The following PITPNA variants were observed in gnomAD, a reference collection of about 807,000 sequenced individuals.
The protein encoded by PITPNA is phosphatidylinositol transfer protein alpha, also known as phosphatidylinositol transfer protein alpha isoform.
PITPNA carries 13 observed loss-of-function variants against 50.3 expected under a neutral mutation model. The ratio of observed to expected loss-of-function variants is 0.26; its 90% CI spans 0.17 to 0.41. PITPNA has a LOEUF of 0.41. PITPNA is among the 10% of genes least tolerant of loss of function. PITPNA has a pLI of 1.00. For missense variants in PITPNA, 207 were observed against 333.4 expected (o/e 0.62, Z 2.95); for synonymous variants, 120 against 119.6 (o/e 1.00, Z -0.02).
chr17:1,522,971 A>C (rs2151001408), intron 10 of PITPNA, among the ~76,000 whole-genome samples: 1 of 152,288 alleles, frequency 6.6e-6, no homozygotes, highest in Admixed American at 6.5e-5. Flanking sequence ...GAGTAACAGA[A>C]CTTCCCTTTC....
intron 10 of PITPNA, 108 bp downstream of exon 10, chr17:1,533,991 G>A (rs898932129): frequency 3.6e-5 from 46 of 1,281,122 alleles, no homozygotes; most frequent in Admixed American, 3.3e-4. Context: ...AGACACTGAC[G>A]TGTTCCCAGA....
At chr17:1,527,532 G>A (rs558768646) in intron 10 of PITPNA, among the ~76,000 whole-genome samples, 5 of 152,240 alleles carry the variant, frequency 3.3e-5, no homozygotes, top group South Asian at 2.1e-4. Context: ...GTGAGCCACC[G>A]TGCCCAGCCC....
chr17:1,543,127 T>C, intron 4 of PITPNA, 100 bp from the exon 5 acceptor site: 1 of 891,056 alleles, frequency 1.1e-6, no homozygotes, highest in South Asian at 1.5e-5. Context: ...AATGGCAGAG[T>C]GTACTTTACT....
In PITPNA at chr17:1,534,149, T is replaced by C; in HGVS notation, c.718A>G (p.Met240Val). 1.9e-6 allele frequency: 3 copies of C among 1,613,872 alleles called. No individual in the cohort carries two copies. Among genetic ancestry groups the C allele is most frequent in the East Asian group, 4.5e-5 (2 of 44,870 alleles). Residue 240 changes from methionine to valine, a missense_variant, in exon 10 of 12, where the codon ATG (methionine) becomes GTG (valine). Physicochemically the swap from Met to Val is conservative, Grantham distance 21 (BLOSUM62 1). Transcript: ENST00000313486. Reference protein sequence around the residue: ...CWLDKWVDLTMDDIRRMEEET... With the variant: ...CWLDKWVDLTVDDIRRMEEET... Reference sequence around the variant, plus strand: ...TCTTCCATCCTTCGAATGTCGTCCATGGTCAGGTCAACCCACTTATCGAGC... The same window carrying C: ...TCTTCCATCCTTCGAATGTCGTCCACGGTCAGGTCAACCCACTTATCGAGC...
chr17:1,526,806 C>T (rs939743336), intron 10 of PITPNA, among the ~76,000 whole-genome samples: 1 of 152,170 alleles, frequency 6.6e-6, no homozygotes, highest in African/African-American at 2.4e-5. Flanking sequence ...GCTCTGTCAC[C>T]CAGGCTAGAA....
chr17:1,539,396 G>A (rs907582959), intron 6 of PITPNA, among the ~76,000 whole-genome samples: 4 of 150,282 alleles, frequency 2.7e-5, no homozygotes, highest in Non-Finnish European at 4.4e-5. Context: ...AGCTGGGCCC[G>A]AGTGATCCTC....
intron 10 of PITPNA, among the ~76,000 whole-genome samples, chr17:1,533,330 C>T (rs963283816): frequency 1.3e-5 from 2 of 152,188 alleles, no homozygotes; most frequent in Admixed American, 6.5e-5. Flanking sequence ...ACCTGCAAGA[C>T]GGTGTGACCC....
intron 4 of PITPNA, among the ~76,000 whole-genome samples, chr17:1,545,894 C>T (rs149484391): frequency 1.3e-5 from 2 of 149,594 alleles, no homozygotes; most frequent in African/African-American, 2.5e-5. Context: ...AGACCAGACA[C>T]ACCCAGCCAC....
intron 3 of PITPNA, among the ~76,000 whole-genome samples, chr17:1,550,991 G>C (rs2075705281): frequency 6.6e-6 from 1 of 152,054 alleles, no homozygotes; most frequent in African/African-American, 2.4e-5. Flanking sequence ...GGGACACGAA[G>C]GGCAAGTGAG....
intron 10 of PITPNA, among the ~76,000 whole-genome samples, chr17:1,522,866 G>A (rs1045378995): frequency 6.6e-6 from 1 of 152,250 alleles, no homozygotes; most frequent in African/African-American, 2.4e-5. Context: ...TGCTATTTTA[G>A]GTAGTTACAG....
At position 1,535,453 on chromosome 17, in the gene PITPNA, G is replaced by A; in HGVS notation, c.522C>T (p.Gly174=). ...GTGTGAATGGTACCTTCCAATTGGG[G>A]CCCAAGGGTCCTCGGCCTGTTTTGA... ...KSIKTGRGPL[G]PNWKQELVNQ... Residue 174 remains glycine (G), a synonymous_variant, in exon 8 of 12, where the codon GGC becomes GGT. Transcript: ENST00000313486. 1.2e-6 allele frequency: 2 copies of A among 1,612,792 alleles called. No homozygotes were observed. The highest frequency in any genetic ancestry group is 1.7e-6 in the Non-Finnish European group (2 of 1,178,822).
At chr17:1,558,072 G>A (rs191577783) in intron 2 of PITPNA, among the ~76,000 whole-genome samples, 11 of 152,012 alleles carry the variant, frequency 7.2e-5, no homozygotes, top group African/African-American at 2.7e-4. Context: ...CTCTACTAAA[G>A]ATATAAAAAT....
chr17:1,545,368 T>C (rs2075667655), intron 4 of PITPNA, among the ~76,000 whole-genome samples: 2 of 152,254 alleles, frequency 1.3e-5, no homozygotes, highest in Admixed American at 6.5e-5. Context: ...CTAAGATGTC[T>C]GAACTAATAA....
chr17:1,560,591 G>A (rs1414242238), intron 1 of PITPNA, among the ~76,000 whole-genome samples: 4 of 152,196 alleles, frequency 2.6e-5, no homozygotes, highest in Non-Finnish European at 4.4e-5. Flanking sequence ...TCCTCTGAAG[G>A]TCCCTTCCTT....
At chr17:1,547,897 GGCA>G (rs1320428645) in intron 4 of PITPNA, among the ~76,000 whole-genome samples, 3 of 152,074 alleles carry the variant, frequency 2.0e-5, no homozygotes, top group African/African-American at 7.2e-5. Flanking sequence ...GGGAGGCTGA[GGCA>G]GCAGAATTGC....
intron 1 of PITPNA, among the ~76,000 whole-genome samples, chr17:1,560,241 C>G (rs921276498): frequency 6.6e-6 from 1 of 152,210 alleles, no homozygotes; most frequent in Non-Finnish European, 1.5e-5. Flanking sequence ...GGAACAAAAC[C>G]ACTTCGGCAG....
intron 5 of PITPNA, among the ~76,000 whole-genome samples, chr17:1,542,072 T>C (rs1024268911): frequency 2.0e-5 from 3 of 151,810 alleles, no homozygotes; most frequent in East Asian, 1.9e-4. Flanking sequence ...TGGTGGCGGG[T>C]GCCTGTAATC....
rs145215035 is a variant in PITPNA, at chr17:1,544,966, C to T, written c.290-1939G>A. 9.6e-3 allele frequency among the ~76,000 whole-genome samples: 1,454 copies of T among 152,102 alleles called. 8 individuals are homozygous for T. The highest frequency in any genetic ancestry group is 0.015 in the Non-Finnish European group (1,035 of 67,988). On this transcript the variant is annotated intron_variant, in intron 4 of 11. Coordinates refer to ENST00000313486, the MANE Select transcript of PITPNA (RefSeq NM_006224.4). Reference sequence around the variant, plus strand: ...CGAGATTGCACCACTGTACTCCAGCCTGGGTGACAGAATGAGACTCTGTCT... The same window carrying T: ...CGAGATTGCACCACTGTACTCCAGCTTGGGTGACAGAATGAGACTCTGTCT...
chr17:1,525,199 A>G, intron 10 of PITPNA, among the ~76,000 whole-genome samples: 1 of 152,020 alleles, frequency 6.6e-6, no homozygotes, highest in Non-Finnish European at 1.5e-5. Flanking sequence ...CATGTTGGTC[A>G]GGCTGGTCTC....
Sources: gnomAD v4.1 joint callset for allele counts (sites outside exome capture counted in the v4.1 genomes callset) on GRCh38, gnomAD v4.1.1 for gene constraint, MANE v1.5 for transcripts, NCBI Gene and HGNC (gene_info 2026-07-23, HGNC 2026-07-21) for gene names.